The following IL31RA variants were observed in gnomAD, a reference collection of about 807,000 sequenced individuals.
IL31RA encodes interleukin-31 receptor subunit alpha.
IL31RA carries 66 observed loss-of-function variants against 83.7 expected under a neutral mutation model. The ratio of observed to expected loss-of-function variants is 0.79; its 90% confidence interval spans 0.65 to 0.97. The LOEUF is 0.97. IL31RA is among the 50% of genes least tolerant of loss of function. The pLI, the probability that IL31RA is intolerant of heterozygous loss-of-function variation, is 0.00. For missense variants in IL31RA, 798 were observed against 919.4 expected (o/e 0.87, Z 1.71); for synonymous variants, 325 against 329.0 (o/e 0.99, Z 0.13).
At chr5:55,893,556 C>T (rs1033717648) in intron 6 of IL31RA, among the ~76,000 whole-genome samples, 3 of 152,038 alleles carry the variant, frequency 2.0e-5, no homozygotes, top group African/African-American at 7.3e-5. Context: ...ACATTTCCCC[C>T]TTTGATTAAA....
In IL31RA at chr5:55,917,153, A is replaced by T; in HGVS notation, c.*33A>T. ...CATAGCATGAGACCCTCGGGGCCTCAGTGTGGATGGCCCTTGCCAGAGAAG... is the reference window on the plus strand; with the variant it reads ...CATAGCATGAGACCCTCGGGGCCTCTGTGTGGATGGCCCTTGCCAGAGAAG... On this transcript the variant is annotated 3_prime_UTR_variant, in exon 15 of 15. Transcript: ENST00000652347. The T allele has an allele frequency of 6.2e-7, 1 of 1,613,552 alleles. No individual in the cohort carries two copies. Among genetic ancestry groups the T allele is most frequent in the Non-Finnish European group, 8.5e-7 (1 of 1,180,032 alleles).
rs1046433498 is a variant in IL31RA at position 55,922,062 on chromosome 5, G to T, written c.*4942G>T. Among the ~76,000 whole-genome samples, 6 of 148,374 alleles carry T rather than the reference G, an allele frequency of 4.0e-5. No homozygotes were observed. The highest frequency in any genetic ancestry group is 2.2e-4 in the South Asian group (1 of 4,478). On this transcript the variant is annotated 3_prime_UTR_variant, in exon 15 of 15. Coordinates refer to ENST00000652347, the MANE Select transcript of IL31RA (RefSeq NM_139017.7). ...GCACTCTTATGTTGTGGCGGGGGGG[G>T]GGGGCGGTTCCTGAAGAGTGGAGTG...
At position 55,914,910 on chromosome 5, in the gene IL31RA, G is replaced by A. The variant is rs1417600532; in HGVS notation, c.1800G>A (p.Trp600Ter). Residue 600 changes from tryptophan to a stop codon, truncating the protein, a stop_gained, in exon 14 of 15, where the codon TGG becomes TGA. Coordinates refer to ENST00000652347, the MANE Select transcript of IL31RA (RefSeq NM_139017.7). LOFTEE classifies it low-confidence loss of function (END_TRUNC). ...CTGCTGAAAGTAGTATAGCCACATGGCATGGAGATGATTTCAAGGTAAACT... is the reference window on the plus strand; with the variant it reads ...CTGCTGAAAGTAGTATAGCCACATGACATGGAGATGATTTCAAGGTAAACT... ...PNPAESSIAT[W>*]HGDDFKDKLN... is the part of the protein sequence containing the mutation. The A allele has an allele frequency of 1.2e-6, 2 of 1,612,708 alleles. No individual in the cohort carries two copies. Among genetic ancestry groups the A allele is most frequent in the South Asian group, 2.2e-5 (2 of 91,058 alleles).
chr5:55,914,940 T>C lies in IL31RA; in HGVS notation c.1818+12T>C. 6.3e-7 allele frequency: 1 copy of C among 1,587,056 alleles called. No homozygotes were observed. The highest frequency in any genetic ancestry group is 8.7e-7 in the Non-Finnish European group (1 of 1,155,150). ...GAGATGATTTCAAGGTAAACTCTCC[T>C]GTTTTTATTAAGGAAATCATTGCCG... On this transcript the variant is annotated intron_variant, in intron 14 of 14. Coordinates refer to ENST00000652347, the MANE Select transcript of IL31RA (RefSeq NM_139017.7).
chr5:55,853,715 T>A, intron 1 of IL31RA: 1 of 756,154 alleles, frequency 1.3e-6, no homozygotes, highest in Non-Finnish European at 2.1e-6. Flanking sequence ...TAAGGGAATC[T>A]AATCTTTTGG....
chr5:55,914,861 T>C lies in IL31RA; in HGVS notation c.1751T>C (p.Leu584Pro), dbSNP rs894221311. Residue 584 changes from leucine (L) to proline (P), a missense_variant, in exon 14 of 15, where the codon CTG (leucine) becomes CCG (proline). Leu to Pro is a moderately conservative substitution (Grantham distance 98). Coordinates refer to ENST00000652347, the MANE Select transcript of IL31RA (RefSeq NM_139017.7). ...TCTCTCATTAGCAAATTGACTCATC[T>C]GTGTTGGCCCACCGTTCCCAACCCT... is the stretch of plus-strand genomic sequence containing the variant. Reference protein sequence around the residue: ...GLKKPNKLTHLCWPTVPNPAE... With the variant: ...GLKKPNKLTHPCWPTVPNPAE... 1.2e-6 allele frequency: 2 copies of C among 1,612,948 alleles called. No homozygotes were observed. The highest frequency in any genetic ancestry group is 2.7e-5 in the African/African-American group (2 of 74,938).
At position 55,899,905 on chromosome 5, in the gene IL31RA, T is replaced by C; in HGVS notation, c.853-11T>C. The C allele has an allele frequency of 6.2e-7, 1 of 1,611,224 alleles. No homozygotes were observed. The highest frequency in any genetic ancestry group is 2.2e-5 in the East Asian group (1 of 44,874). ...GTTATTGGCAATAAATTTTGTTTTCTTTGGGTTCAGAAGGCAAGAGGAGCC... is the reference window on the plus strand; with the variant it reads ...GTTATTGGCAATAAATTTTGTTTTCCTTGGGTTCAGAAGGCAAGAGGAGCC... On this transcript the variant is annotated splice_polypyrimidine_tract_variant and intron_variant, in intron 7 of 14. Coordinates refer to ENST00000652347, the MANE Select transcript of IL31RA (RefSeq NM_139017.7).
chr5:55,916,798 C>G lies in IL31RA; in HGVS notation c.1973C>G (p.Thr658Arg). The G allele has an allele frequency of 2.5e-6, 4 of 1,614,130 alleles. No individual in the cohort carries two copies. The highest frequency in any genetic ancestry group is 3.4e-6 in the Non-Finnish European group (4 of 1,180,028). ...LQEIFTDEAR[T>R]GQENNLGGEK... ...GAAATTTTCACAGATGAAGCCAGAA[C>G]GGGTCAGGAAAACAATTTAGGAGGG... Residue 658 changes from threonine (T) to arginine (R), a missense_variant, in exon 15 of 15, where the codon ACG (threonine) becomes AGG (arginine). Coordinates refer to ENST00000652347, the MANE Select transcript of IL31RA (RefSeq NM_139017.7).
chr5:55,877,312 A>G (rs1044298808), intron 4 of IL31RA, among the ~76,000 whole-genome samples: 4 of 152,372 alleles, frequency 2.6e-5, no homozygotes, highest in South Asian at 2.1e-4. Flanking sequence ...ACTGTATACC[A>G]TAAAGCTATA....
At chr5:55,900,222 C>G in intron 8 of IL31RA, 90 bp downstream of exon 8, 1 of 940,840 alleles carries the variant, frequency 1.1e-6, no homozygotes, top group Non-Finnish European at 1.8e-6. Flanking sequence ...GGCTGTTTCT[C>G]TTGAGTCAAA....
intron 4 of IL31RA, among the ~76,000 whole-genome samples, chr5:55,875,893 GT>G (rs953306778): frequency 2.6e-5 from 4 of 152,032 alleles, no homozygotes; most frequent in African/African-American, 9.7e-5. Flanking sequence ...AAGAAACTCT[GT>G]TTTTATAATA....
At chr5:55,898,274 G>A (rs1027796759) in intron 7 of IL31RA, among the ~76,000 whole-genome samples, 16 of 152,196 alleles carry the variant, frequency 1.1e-4, no homozygotes, top group East Asian at 1.9e-4. Context: ...TTCAGTGCCC[G>A]CCTCCTCCCC....
chr5:55,851,941 TTG>T (rs1745094817), intron 1 of IL31RA, among the ~76,000 whole-genome samples: 2 of 152,222 alleles, frequency 1.3e-5, no homozygotes, highest in South Asian at 4.1e-4. Context: ...TTCTATATCT[TTG>T]CCATAATTTT....
chr5:55,861,892 A>G (rs1580655883), intron 2 of IL31RA, among the ~76,000 whole-genome samples: 1 of 152,324 alleles, frequency 6.6e-6, no homozygotes, highest in Middle Eastern at 3.4e-3. Flanking sequence ...CTATGTCAAG[A>G]TATTTTTCAA....
At chr5:55,849,445 A>G (rs115483930), upstream of IL31RA, among the ~76,000 whole-genome samples, 1,113 of 152,218 alleles carry the variant, frequency 7.3e-3, 16 homozygotes, top group African/African-American at 0.026. Flanking sequence ...TAATGTTTTC[A>G]TTGTTGTGAC....
rs116714311 is a variant in IL31RA, at chr5:55,894,335, G to A, written c.773-2015G>A. 4.0e-3 allele frequency among the ~76,000 whole-genome samples: 606 copies of A among 152,244 alleles called. 6 individuals are homozygous for A. The highest frequency in any genetic ancestry group is 0.014 in the African/African-American group (581 of 41,540). Reference sequence around the variant, plus strand: ...CTTACATCTCACTGGCTTGTAGACAGGGTGAAACCAGCCTGTTGCTTCCTG... The same window carrying A: ...CTTACATCTCACTGGCTTGTAGACAAGGTGAAACCAGCCTGTTGCTTCCTG... On this transcript the variant is annotated intron_variant, in intron 6 of 14. Coordinates refer to ENST00000652347, the MANE Select transcript of IL31RA (RefSeq NM_139017.7).
At chr5:55,894,659 C>G (rs1748221921) in intron 6 of IL31RA, among the ~76,000 whole-genome samples, 2 of 152,152 alleles carry the variant, frequency 1.3e-5, no homozygotes, top group Non-Finnish European at 2.9e-5. Flanking sequence ...CTCAATTGTA[C>G]TTGGTACATT....
intron 5 of IL31RA, among the ~76,000 whole-genome samples, chr5:55,887,489 C>G (rs879904866): frequency 1.7e-4 from 26 of 152,314 alleles, no homozygotes; most frequent in Non-Finnish European, 2.6e-4. Context: ...CCTGTAATCC[C>G]AGCACTTTGG....
intron 6 of IL31RA, among the ~76,000 whole-genome samples, chr5:55,894,140 ACT>A (rs1554017304): frequency 2.1e-5 from 3 of 146,230 alleles, no homozygotes; most frequent in Non-Finnish European, 4.5e-5. Flanking sequence ...TTTTTTTCTT[ACT>A]CTCAATATTA....
Sources: allele counts gnomAD v4.1 joint callset (sites outside exome capture counted in the v4.1 genomes callset), GRCh38; gene constraint gnomAD v4.1.1; transcripts MANE v1.5; gene names NCBI Gene and HGNC (gene_info 2026-07-23, HGNC 2026-07-21).